The following MYO1H variants were observed in gnomAD, a reference collection of about 807,000 sequenced individuals.
MYO1H encodes unconventional myosin-Ih.
MYO1H carries 118 observed loss-of-function variants against 149.3 expected under a neutral mutation model. The ratio of observed to expected loss-of-function variants is 0.79; its 90% confidence interval spans 0.68 to 0.92. The LOEUF (loss-of-function observed/expected upper bound fraction) is 0.92, where lower values mean the gene tolerates loss of function less well. Ranked by LOEUF, MYO1H falls within the 40% of genes least tolerant of loss-of-function variation. The pLI is 0.00. For missense variants in MYO1H, 1,212 were observed against 1,280.7 expected (o/e 0.95, Z 0.82); for synonymous variants, 447 against 465.2 (o/e 0.96, Z 0.50).
At chr12:109,335,365 C>T in the MYO1H span, among the ~76,000 whole-genome samples, 3 of 151,996 alleles carry the variant, frequency 2.0e-5, no homozygotes, top group South Asian at 2.1e-4. Context: ...TGAGAACTAT[C>T]GTGATGACAG....
At chr12:109,365,336 A>G (rs1868844946) in intron 1 of MYO1H, among the ~76,000 whole-genome samples, 1 of 152,248 alleles carries the variant, frequency 6.6e-6, no homozygotes, top group African/African-American at 2.4e-5. Flanking sequence ...AACTAACAGT[A>G]ACATAGCTCA....
intron 1 of MYO1H, chr12:109,357,316 G>T (rs1289695751): frequency 1.3e-5 from 2 of 152,196 alleles, no homozygotes; most frequent in African/African-American, 4.8e-5. Context: ...CAACTTGAGG[G>T]ATGTATTACA....
intron 1 of MYO1H, among the ~76,000 whole-genome samples, chr12:109,383,839 G>T (rs772251835): frequency 6.6e-6 from 1 of 151,994 alleles, no homozygotes; most frequent in African/African-American, 2.4e-5. Context: ...TCCCCACCCC[G>T]ACTCCACATA....
At chr12:109,445,473 A>T in intron 30 of MYO1H, 40 bp from the exon 31 acceptor site, 1 of 1,458,770 alleles carries the variant, frequency 6.9e-7, no homozygotes, top group Non-Finnish European at 9.5e-7. Context: ...AGAGAAGAAA[A>T]TACAGTATGT....
intron 2 of MYO1H, among the ~76,000 whole-genome samples, chr12:109,389,563 A>G (rs901506712): frequency 9.2e-5 from 14 of 151,994 alleles, no homozygotes; most frequent in African/African-American, 2.2e-4. Context: ...AAGGGTCGAG[A>G]ATGCAGCACT....
chr12:109,387,082 ACTTT>A (rs1009497586), intron 1 of MYO1H, among the ~76,000 whole-genome samples: 4 of 142,226 alleles, frequency 2.8e-5, no homozygotes, highest in African/African-American at 1.0e-4. Flanking sequence ...ATGCATTTTT[ACTTT>A]CTTTTTCTAT....
intron 1 of MYO1H, among the ~76,000 whole-genome samples, chr12:109,378,855 T>G (rs1869142681): frequency 6.6e-6 from 1 of 152,198 alleles, no homozygotes; most frequent in Non-Finnish European, 1.5e-5. Context: ...AGTTGCATTT[T>G]CTACTTTTTT....
chr12:109,320,278 C>T, the MYO1H span, among the ~76,000 whole-genome samples: 3 of 151,974 alleles, frequency 2.0e-5, no homozygotes, highest in South Asian at 6.2e-4. Context: ...TGTTCCACTG[C>T]ACTCCAGACT....
intron 1 of MYO1H, among the ~76,000 whole-genome samples, chr12:109,385,581 A>G (rs1212226099): frequency 6.6e-6 from 1 of 152,186 alleles, no homozygotes; most frequent in Admixed American, 6.5e-5. Flanking sequence ...ACACGAGCCT[A>G]CCACGCCCAG....
intron 22 of MYO1H, among the ~76,000 whole-genome samples, 197 bp from the exon 23 acceptor site, chr12:109,438,339 T>TC (rs1172357628): frequency 2.6e-5 from 4 of 152,072 alleles, no homozygotes; most frequent in Non-Finnish European, 5.9e-5. Context: ...CTGTTCTGTC[T>TC]CCCCCTGGTT....
At chr12:109,416,340 A>T (rs953173444) in intron 15 of MYO1H, among the ~76,000 whole-genome samples, 2 of 149,908 alleles carry the variant, frequency 1.3e-5, no homozygotes, top group Admixed American at 6.6e-5. Flanking sequence ...CAACTAGCTG[A>T]TCTACCTTCC....
the MYO1H span, among the ~76,000 whole-genome samples, chr12:109,310,509 A>C: frequency 7.9e-5 from 12 of 152,086 alleles, no homozygotes; most frequent in Non-Finnish European, 1.2e-4. Flanking sequence ...GCCCCCACCG[A>C]GTGAGGCTCA....
intron 1 of MYO1H, among the ~76,000 whole-genome samples, chr12:109,380,650 G>T (rs868857772): frequency 4.6e-5 from 7 of 152,286 alleles, no homozygotes; most frequent in Middle Eastern, 6.8e-3. Flanking sequence ...AGAAGAGATA[G>T]AAAACTAAGG....
exon 8 of MYO1H, chr12:109,406,000 A>G (rs1870365978): frequency 1.9e-6 from 3 of 1,613,786 alleles, no homozygotes; most frequent in Non-Finnish European, 1.7e-6. Context: ...CTGTGCCACT[A>G]TCCCAGACAC....
intron 2 of MYO1H, among the ~76,000 whole-genome samples, chr12:109,392,229 T>C (rs1869684558): frequency 6.6e-6 from 1 of 152,236 alleles, no homozygotes; most frequent in Non-Finnish European, 1.5e-5. Context: ...CCACGGAGCC[T>C]GTATGATCTG....
intron 1 of MYO1H, among the ~76,000 whole-genome samples, chr12:109,367,831 C>T (rs543443620): frequency 1.3e-5 from 2 of 152,200 alleles, no homozygotes; most frequent in African/African-American, 4.8e-5. Flanking sequence ...GGATTACAGG[C>T]GTGAGCTACC....
At chr12:109,435,662 G>T (rs1871828347) in intron 21 of MYO1H, among the ~76,000 whole-genome samples, 1 of 152,192 alleles carries the variant, frequency 6.6e-6, no homozygotes, top group African/African-American at 2.4e-5. Flanking sequence ...TTTAAACCAT[G>T]GTCTCATTCT....
At chr12:109,446,215 G>C in intron 31 of MYO1H, 1 of 985,464 alleles carries the variant, frequency 1.0e-6, no homozygotes, top group Non-Finnish European at 1.2e-6. Context: ...AGTCTAGCCT[G>C]AGCACACAAG....
At chr12:109,424,784 T>C in exon 17 of MYO1H, 1 of 1,613,988 alleles carries the variant, frequency 6.2e-7, no homozygotes, top group Non-Finnish European at 8.5e-7. Context: ...CCTGAGGGAA[T>C]GCTTCCTGCT....
Sources: allele counts gnomAD v4.1 joint callset (sites outside exome capture counted in the v4.1 genomes callset), GRCh38; gene constraint gnomAD v4.1.1; transcripts MANE v1.5; gene names NCBI Gene and HGNC (gene_info 2026-07-23, HGNC 2026-07-21).